SYNE3: variants seen among roughly 807,000 people sequenced by gnomAD.
SYNE3 encodes the protein nesprin-3.
Under a neutral mutation model 111.2 loss-of-function variants are expected in SYNE3, and 100 were observed. The ratio of observed to expected loss-of-function variants is 0.90; its 90% CI spans 0.77 to 1.06. The LOEUF is 1.06. SYNE3 is among the 50% of genes least tolerant of loss of function. The probability of loss-of-function intolerance (pLI) is 0.00; values close to 1 mark genes in which losing one functional copy is unlikely to be tolerated. For synonymous variants in SYNE3, 547 were observed against 533.9 expected, an observed-to-expected ratio of 1.02 and a Z score of -0.34; for missense variants, 1,160 against 1,240.3, an observed-to-expected ratio of 0.94 and a Z score of 0.97.
Position 95,500,677 on chromosome 14 carries a change from C to T in SYNE3, c.-15+15919G>A, listed in dbSNP as rs1453702405. Reference sequence around the variant, plus strand: ...CACCTTCATGATTCCCGCTGATCCTCTCCCTGACCACCCGTGGGACAGTGG... The same window carrying T: ...CACCTTCATGATTCCCGCTGATCCTTTCCCTGACCACCCGTGGGACAGTGG... On this transcript the variant is annotated intron_variant, in intron 1 of 17. Coordinates refer to ENST00000682763, the MANE Select transcript of SYNE3 (RefSeq NM_152592.6). The surrounding 1 kb of genome is among the most constrained non-coding windows in gnomAD (Gnocchi z 4.7). Among the ~76,000 whole-genome samples, 2 of 152,224 alleles carry T rather than the reference C, an allele frequency of 1.3e-5. No individual in the cohort carries two copies.
chr14:95,446,447 GGCTGCT>G (rs1253908023), intron 8 of SYNE3, among the ~76,000 whole-genome samples: 1 of 152,112 alleles, frequency 6.6e-6, no homozygotes, highest in African/African-American at 2.4e-5. Flanking sequence ...GCTCCTGAAT[GGCTGCT>G]GCCTCCCAGT....
chr14:95,432,195 T>G, intron 16 of SYNE3, 78 bp from the exon 17 acceptor site: 1 of 1,498,566 alleles, frequency 6.7e-7, no homozygotes, highest in Non-Finnish European at 9.1e-7. Context: ...CAACAGAGCC[T>G]GTAATGGAAT....
rs776301534 is a variant in SYNE3 at position 95,455,498 on chromosome 14, T to A, written c.1016A>T (p.Gln339Leu). Reference protein sequence around the residue: ...SRGAWEQQIKQLEAELSEFRM... With the variant: ...SRGAWEQQIKLLEAELSEFRM... The stretch of plus-strand genomic sequence containing the variant: ...GAACTCACTGAGCTCAGCCTCCAGC[T>A]GCTTAATCTGCTGCTCCCAGGCTCC... The change falls in exon 6 of 18, where the codon CAG becomes CTG. Residue 339 changes from glutamine to leucine, a missense_variant. Transcript: ENST00000682763. 3.7e-6 allele frequency: 6 copies of A among 1,613,696 alleles called. No homozygotes were observed. Among genetic ancestry groups the A allele is most frequent in the African/African-American group, 1.3e-5 (1 of 74,938 alleles).
intron 1 of SYNE3, among the ~76,000 whole-genome samples, chr14:95,502,917 A>G (rs17092593): frequency 0.058 from 8,892 of 152,234 alleles, 846 homozygotes; most frequent in African/African-American, 0.2. Flanking sequence ...CACCAAAGAC[A>G]TTCACAGAAA....
intron 1 of SYNE3, among the ~76,000 whole-genome samples, chr14:95,495,939 T>G (rs2139583632): frequency 6.6e-6 from 1 of 152,306 alleles, no homozygotes; most frequent in East Asian, 1.9e-4. Context: ...CCTTCCCCAG[T>G]GGGCCTCTCA....
intron 1 of SYNE3, among the ~76,000 whole-genome samples, chr14:95,490,623 G>A (rs1368382782): frequency 6.6e-6 from 1 of 152,236 alleles, no homozygotes; most frequent in South Asian, 2.1e-4. Flanking sequence ...CAAGCCCCTG[G>A]TCAGCATGCT....
At chr14:95,472,740 G>A (rs1350985008) in intron 2 of SYNE3, among the ~76,000 whole-genome samples, 2 of 152,146 alleles carry the variant, frequency 1.3e-5, no homozygotes, top group Non-Finnish European at 2.9e-5. Flanking sequence ...CTCAACCCAG[G>A]AGCGATGGGT....
intron 15 of SYNE3, among the ~76,000 whole-genome samples, chr14:95,434,331 A>G (rs1885965509): frequency 6.6e-6 from 1 of 152,312 alleles, no homozygotes; most frequent in East Asian, 1.9e-4. Flanking sequence ...ACATTTGCCA[A>G]TTTGGAAGGA....
intron 3 of SYNE3, among the ~76,000 whole-genome samples, chr14:95,467,239 G>C (rs1262619097): frequency 6.6e-6 from 1 of 152,214 alleles, no homozygotes; most frequent in Non-Finnish European, 1.5e-5. Flanking sequence ...GTACCAAGCA[G>C]TGTGCCTCGC....
intron 11 of SYNE3, among the ~76,000 whole-genome samples, chr14:95,441,087 CCAGT>C (rs926144858): frequency 2.6e-5 from 4 of 152,160 alleles, no homozygotes; most frequent in African/African-American, 9.7e-5. Context: ...CTGCCATGAA[CCAGT>C]CAGACCCCAG....
At chr14:95,499,850 T>C (rs1247068032) in intron 1 of SYNE3, among the ~76,000 whole-genome samples, 2 of 116,972 alleles carry the variant, frequency 1.7e-5, no homozygotes, top group Admixed American at 1.8e-4. Flanking sequence ...TATCACTAAC[T>C]CTTGTCTTTT....
intron 8 of SYNE3, 32 bp from the exon 9 acceptor site, chr14:95,446,123 A>G: frequency 1.2e-6 from 2 of 1,610,966 alleles, no homozygotes; most frequent in Non-Finnish European, 8.5e-7. Flanking sequence ...TGAACCACAG[A>G]CCGGGCAGGA....
At chr14:95,424,482 C>T (rs1014102429) in intron 17 of SYNE3, among the ~76,000 whole-genome samples, 2 of 152,206 alleles carry the variant, frequency 1.3e-5, no homozygotes, top group African/African-American at 2.4e-5. Context: ...AGTGCCTCTA[C>T]CCAGCCCCTA....
Position 95,414,686 on chromosome 14 carries a change from GACAC to G in SYNE3, c.*3136_*3139del, listed in dbSNP as rs71132345. 0.1 allele frequency: 13,341 copies of G among 127,938 alleles called. 808 individuals are homozygous for G. The highest frequency in any genetic ancestry group is 0.18 in the East Asian group (740 of 4,174). 7.9% of individuals were successfully genotyped at this position (127,938 alleles called of 1,614,324 possible). A position where few individuals can be genotyped will look rare whatever the true frequency, so the allele number is the denominator to read the frequency against. Reference sequence around the variant, plus strand: ...CTCCTTCCCTCCTCTCTCTCTCTCTGACACACACACACACACACACACACACACA... The same window carrying G: ...CTCCTTCCCTCCTCTCTCTCTCTCTGACACACACACACACACACACACACA... On this transcript the variant is annotated 3_prime_UTR_variant, in exon 18 of 18. Coordinates refer to ENST00000682763, the MANE Select transcript of SYNE3 (RefSeq NM_152592.6).
chr14:95,461,139 G>A (rs936768381), intron 4 of SYNE3, among the ~76,000 whole-genome samples: 3 of 152,206 alleles, frequency 2.0e-5, no homozygotes, highest in Admixed American at 6.5e-5. Flanking sequence ...CATCTGCGGC[G>A]GGCAGAGCTG....
At chr14:95,492,467 A>G (rs1201360643) in intron 1 of SYNE3, among the ~76,000 whole-genome samples, 1 of 152,248 alleles carries the variant, frequency 6.6e-6, no homozygotes. Flanking sequence ...GCCACAATAT[A>G]GAGAAACCTT....
intron 1 of SYNE3, among the ~76,000 whole-genome samples, chr14:95,495,997 G>T (rs957876493): frequency 6.6e-6 from 1 of 152,150 alleles, no homozygotes; most frequent in African/African-American, 2.4e-5. Context: ...ACAGGGCAGC[G>T]GCTCCAAAAC....
In SYNE3 at chr14:95,513,189, C is replaced by A. The variant is rs545729420; in HGVS notation, c.-15+3407G>T. On this transcript the variant is annotated intron_variant, in intron 1 of 17. Transcript: ENST00000682763. ...GATCCTCTCTCACCTTTCCTCAGCACGCGTGGTAATGCTTGGCTTTTATTT... is the reference window on the plus strand; with the variant it reads ...GATCCTCTCTCACCTTTCCTCAGCAAGCGTGGTAATGCTTGGCTTTTATTT... 2.6e-5 allele frequency among the ~76,000 whole-genome samples: 4 copies of A among 152,294 alleles called. No homozygotes were observed. The South Asian group carries it at 8.3e-4, about 32-fold the overall frequency.
In SYNE3 at chr14:95,408,733, G is replaced by A; in HGVS notation, c.*9093C>T. On this transcript the variant is annotated 3_prime_UTR_variant, in exon 18 of 18. Coordinates refer to ENST00000682763, the MANE Select transcript of SYNE3 (RefSeq NM_152592.6). ...GCCCACCCCTTCACATGCACACACA[G>A]CTTCCTCTGTCCGCTTCCTCCTCCC... 6.8e-6 allele frequency: 1 copy of A among 146,250 alleles called. No individual in the cohort carries two copies. Among genetic ancestry groups the A allele is most frequent in the Non-Finnish European group, 1.3e-5 (1 of 79,450 alleles). 9.1% of individuals were successfully genotyped at this position (146,250 alleles called of 1,614,324 possible). A position where few individuals can be genotyped will look rare whatever the true frequency, so the allele number is the denominator to read the frequency against.
Sources: gnomAD v4.1 joint callset for allele counts (sites outside exome capture counted in the v4.1 genomes callset) on GRCh38, gnomAD v4.1.1 for gene constraint, Gnocchi (gnomAD v3.1) non-coding constraint, MANE v1.5 for transcripts, NCBI Gene and HGNC (gene_info 2026-07-23, HGNC 2026-07-21) for gene names.